The following USH2A variants were observed in gnomAD, a reference collection of about 807,000 sequenced individuals.
The protein encoded by USH2A is usherin, also known as Usher syndrome 2A (autosomal recessive, mild).
USH2A carries 443 observed loss-of-function variants against 538.9 expected under a neutral mutation model. That is an observed-to-expected ratio of 0.82 (90% CI 0.76 to 0.89). The LOEUF is 0.89. Among genes scored for constraint, USH2A ranks in the 40% least tolerant of loss-of-function variants. The pLI is 0.00. For missense variants in USH2A, 6,633 were observed against 6,324.8 expected (o/e 1.05, Z -1.65); for synonymous variants, 2,413 against 2,273.5 (o/e 1.06, Z -1.75).
intron 21 of USH2A, among the ~76,000 whole-genome samples, chr1:216,130,798 A>G (rs1369177181): frequency 6.6e-6 from 1 of 151,238 alleles, no homozygotes. Context: ...TCTTTTTCAT[A>G]TAATAACTTC....
At chr1:216,007,549 G>C (rs1211200005) in intron 32 of USH2A, among the ~76,000 whole-genome samples, 3 of 152,184 alleles carry the variant, frequency 2.0e-5, no homozygotes, top group Non-Finnish European at 4.4e-5. Flanking sequence ...CCTGACCCCT[G>C]TTTTCAAGGT....
At chr1:216,349,599 C>T (rs556262726) in intron 4 of USH2A, among the ~76,000 whole-genome samples, 52 of 152,142 alleles carry the variant, frequency 3.4e-4, no homozygotes, top group Admixed American at 5.9e-4. Flanking sequence ...CCATCAGTAC[C>T]ATGACAGTTT....
chr1:216,323,708 G>T lies in USH2A; in HGVS notation c.1329-13C>A, dbSNP rs2037666388. The T allele has an allele frequency of 6.2e-7, 1 of 1,611,664 alleles. No homozygotes were observed. The highest frequency in any genetic ancestry group is 1.1e-5 in the South Asian group (1 of 90,978). ...ATATGGAGTAAAACTGTTAATGAAA[G>T]AAATTCGATGTCATGAAAATCTATT... On this transcript the variant is annotated splice_polypyrimidine_tract_variant and intron_variant, in intron 7 of 71. Transcript: ENST00000307340.
At chr1:215,862,515 T>C (rs1664346385) in intron 44 of USH2A, among the ~76,000 whole-genome samples, 1 of 152,198 alleles carries the variant, frequency 6.6e-6, no homozygotes, top group Admixed American at 6.5e-5. Flanking sequence ...TTTACATATG[T>C]AACAAACCTG....
chr1:215,628,083 G>A (rs1656124457), intron 71 of USH2A, among the ~76,000 whole-genome samples: 1 of 152,030 alleles, frequency 6.6e-6, no homozygotes, highest in Admixed American at 6.5e-5. Context: ...CATTTCCTAA[G>A]GTTTTGGAAA....
intron 38 of USH2A, among the ~76,000 whole-genome samples, chr1:215,934,337 G>GATAT (rs1007901787): frequency 1.2e-4 from 18 of 151,818 alleles, no homozygotes; most frequent in Non-Finnish European, 2.5e-4. Flanking sequence ...CAGAAATCCA[G>GATAT]ATATATATAT....
chr1:215,724,288 G>C (rs539341154), intron 61 of USH2A, among the ~76,000 whole-genome samples: 112 of 151,524 alleles, frequency 7.4e-4, no homozygotes, highest in African/African-American at 2.6e-3. Flanking sequence ...CCATAAAAAA[G>C]AATGAAATCA....
At chr1:216,231,259 A>T (rs13375991) in intron 14 of USH2A, among the ~76,000 whole-genome samples, 4,381 of 98,086 alleles carry the variant, frequency 0.045, 468 homozygotes, top group African/African-American at 0.15. Flanking sequence ...TTATATATAT[A>T]ATATATATAT....
At chr1:215,766,303 C>T (rs1032626448) in intron 56 of USH2A, among the ~76,000 whole-genome samples, 1 of 152,134 alleles carries the variant, frequency 6.6e-6, no homozygotes, top group African/African-American at 2.4e-5. Flanking sequence ...TCATACAGAT[C>T]TTTCTCCTAT....
chr1:216,048,678 G>A (rs751290995), intron 30 of USH2A, 31 bp from the exon 31 acceptor site: 43 of 1,562,710 alleles, frequency 2.8e-5, no homozygotes, highest in South Asian at 8.9e-5. Context: ...AGAGGGTTGC[G>A]TGTTTACCAT....
At chr1:215,874,528 AATG>A (rs1220189172) in intron 43 of USH2A, among the ~76,000 whole-genome samples, 1 of 152,200 alleles carries the variant, frequency 6.6e-6, no homozygotes, top group Non-Finnish European at 1.5e-5. Context: ...TTCCAAATAT[AATG>A]ATGTTTTAAA....
chr1:216,137,291 AT>A (rs1237387293), intron 21 of USH2A, among the ~76,000 whole-genome samples: 1 of 152,130 alleles, frequency 6.6e-6, no homozygotes, highest in African/African-American at 2.4e-5. Context: ...AAAACTGGGA[AT>A]AAAAAGAGAT....
intron 62 of USH2A, among the ~76,000 whole-genome samples, chr1:215,677,543 C>T (rs964743379): frequency 2.6e-5 from 4 of 152,156 alleles, no homozygotes; most frequent in African/African-American, 9.7e-5. Flanking sequence ...TGCATACTCT[C>T]CTTGTCGAGA....
At chr1:216,305,205 G>A (rs1166655881) in intron 9 of USH2A, among the ~76,000 whole-genome samples, 3 of 151,936 alleles carry the variant, frequency 2.0e-5, no homozygotes, top group African/African-American at 4.8e-5. Flanking sequence ...TCTGGAGTTA[G>A]GTGCATATAT....
intron 46 of USH2A, among the ~76,000 whole-genome samples, chr1:215,842,548 G>A (rs1663712160): frequency 6.6e-6 from 1 of 152,096 alleles, no homozygotes; most frequent in East Asian, 1.9e-4. Flanking sequence ...GCAATGACAT[G>A]GAATCAACCC....
chr1:215,906,885 C>T lies in USH2A; in HGVS notation c.7301-5980G>A, dbSNP rs7532980. On this transcript the variant is annotated intron_variant, in intron 38 of 71. Transcript: ENST00000307340. ...TATTTGACCATAGAATATTCAAAAACAAAACAACAGAATCTTAAAATCAGA... is the reference window on the plus strand; with the variant it reads ...TATTTGACCATAGAATATTCAAAAATAAAACAACAGAATCTTAAAATCAGA... 9.0e-3 allele frequency among the ~76,000 whole-genome samples: 1,374 copies of T among 152,064 alleles called. 17 individuals are homozygous for T. The highest frequency in any genetic ancestry group is 0.031 in the African/African-American group (1,303 of 41,492).
intron 40 of USH2A, among the ~76,000 whole-genome samples, chr1:215,897,719 AAG>A (rs1216397493): frequency 1.0e-5 from 1 of 99,772 alleles, no homozygotes; most frequent in Admixed American, 8.9e-5. Context: ...AAAAGAAAGA[AAG>A]AGAAAGAAAG....
intron 61 of USH2A, among the ~76,000 whole-genome samples, chr1:215,688,291 A>G (rs1273875268): frequency 6.6e-6 from 1 of 152,084 alleles, no homozygotes; most frequent in Non-Finnish European, 1.5e-5. Flanking sequence ...TGGAGAGAAG[A>G]ATGGCCCAAG....
At chr1:215,917,780 C>CAAAAA (rs869080030) in intron 38 of USH2A, among the ~76,000 whole-genome samples, 14 of 89,616 alleles carry the variant, frequency 1.6e-4, no homozygotes, top group African/African-American at 6.2e-4. Context: ...CCTATCACTA[C>CAAAAA]AAAAAAAAAA....
Sources: gnomAD v4.1 joint callset for allele counts (sites outside exome capture counted in the v4.1 genomes callset) on GRCh38, gnomAD v4.1.1 for gene constraint, MANE v1.5 for transcripts, NCBI Gene and HGNC (gene_info 2026-07-23, HGNC 2026-07-21) for gene names.